Variants in CLSTN2 observed in about 807,000 individuals in gnomAD.
The protein encoded by CLSTN2 is calsyntenin 2.
CLSTN2 carries 48 observed loss-of-function variants against 101.2 expected under a neutral mutation model. That is an observed-to-expected ratio of 0.47 (90% CI 0.38 to 0.60). The LOEUF is 0.60. Ranked by LOEUF, CLSTN2 falls within the 20% of genes least tolerant of loss-of-function variation. The pLI is 0.00. For missense variants in CLSTN2, 1,160 were observed against 1,238.2 expected, an observed-to-expected ratio of 0.94 and a Z score of 0.95; for synonymous variants, 481 against 463.6, an observed-to-expected ratio of 1.04 and a Z score of -0.48.
At chr3:140,159,750 AT>A (rs929952853) in intron 1 of CLSTN2, among the ~76,000 whole-genome samples, 59 of 152,296 alleles carry the variant, frequency 3.9e-4, no homozygotes, top group African/African-American at 1.4e-3. Context: ...TAGCAAAGAC[AT>A]GGAATCAACC....
At chr3:139,971,476 G>A (rs1432069243) in intron 1 of CLSTN2, among the ~76,000 whole-genome samples, 1 of 152,190 alleles carries the variant, frequency 6.6e-6, no homozygotes, top group Non-Finnish European at 1.5e-5. Flanking sequence ...CTGTCCTTGG[G>A]AAGATCCCTG....
chr3:140,165,001 A>G (rs1211529500), intron 1 of CLSTN2, among the ~76,000 whole-genome samples: 1 of 152,102 alleles, frequency 6.6e-6, no homozygotes, highest in East Asian at 1.9e-4. Context: ...AAGGAAAGCA[A>G]TGTTCTGCCC....
chr3:140,305,922 T>C (rs2087109969), intron 2 of CLSTN2, among the ~76,000 whole-genome samples: 1 of 152,164 alleles, frequency 6.6e-6, no homozygotes, highest in Non-Finnish European at 1.5e-5. Flanking sequence ...TTTCCAAGTA[T>C]TTTTGCAGTG....
intron 2 of CLSTN2, among the ~76,000 whole-genome samples, chr3:140,285,260 C>T (rs930145304): frequency 5.3e-5 from 8 of 152,044 alleles, no homozygotes. Flanking sequence ...TATTTAAATA[C>T]TCATATATAC....
intron 8 of CLSTN2, among the ~76,000 whole-genome samples, chr3:140,491,345 T>C (rs1479532431): frequency 1.3e-5 from 2 of 152,208 alleles, no homozygotes; most frequent in African/African-American, 4.8e-5. Flanking sequence ...CTTAAATGTT[T>C]CAGTGGTATC....
At chr3:140,091,960 A>C (rs1209898632) in intron 1 of CLSTN2, among the ~76,000 whole-genome samples, 1 of 152,188 alleles carries the variant, frequency 6.6e-6, no homozygotes, top group African/African-American at 2.4e-5. Context: ...TGTTTGTTGA[A>C]TAAGTAAGGA....
intron 1 of CLSTN2, among the ~76,000 whole-genome samples, chr3:140,070,108 G>C (rs2008365898): frequency 1.3e-5 from 2 of 152,186 alleles, no homozygotes; most frequent in South Asian, 4.1e-4. Context: ...TGGTCCTGCT[G>C]TCAGCACATT....
At chr3:140,414,613 G>A (rs899925460) in intron 4 of CLSTN2, among the ~76,000 whole-genome samples, 3 of 151,888 alleles carry the variant, frequency 2.0e-5, no homozygotes, top group Non-Finnish European at 4.4e-5. Context: ...TACCCATTGG[G>A]AACAATGTAC....
chr3:140,259,528 T>A (rs1207476581), intron 2 of CLSTN2, among the ~76,000 whole-genome samples: 1 of 152,128 alleles, frequency 6.6e-6, no homozygotes, highest in Non-Finnish European at 1.5e-5. Context: ...TGCAATTTGA[T>A]AAGTTTTGAC....
intron 1 of CLSTN2, among the ~76,000 whole-genome samples, chr3:139,999,401 TCTAA>T (rs1192173821): frequency 1.3e-5 from 2 of 152,164 alleles, no homozygotes; most frequent in African/African-American, 4.8e-5. Flanking sequence ...GGTGAAGTTT[TCTAA>T]TCCTGACTTC....
At chr3:140,101,171 A>G (rs757518345) in intron 1 of CLSTN2, among the ~76,000 whole-genome samples, 19 of 152,300 alleles carry the variant, frequency 1.2e-4, no homozygotes, top group Middle Eastern at 3.4e-3. Flanking sequence ...ATAAGAATAA[A>G]TGAAGCCATG....
chr3:140,089,696 G>T (rs191326246), intron 1 of CLSTN2, among the ~76,000 whole-genome samples: 9 of 151,198 alleles, frequency 6.0e-5, no homozygotes, highest in African/African-American at 1.5e-4. Flanking sequence ...TACTGCAGAC[G>T]TGACTTCCCA....
intron 2 of CLSTN2, among the ~76,000 whole-genome samples, chr3:140,288,508 A>G (rs889056149): frequency 6.6e-6 from 1 of 152,200 alleles, no homozygotes; most frequent in Non-Finnish European, 1.5e-5. Flanking sequence ...CTTGAGAAAA[A>G]GTGCAGCTAA....
At chr3:140,307,188 G>A (rs1231881996) in intron 2 of CLSTN2, among the ~76,000 whole-genome samples, 4 of 152,152 alleles carry the variant, frequency 2.6e-5, no homozygotes, top group African/African-American at 7.2e-5. Context: ...ACATGGAACT[G>A]TAAGCCCATT....
In CLSTN2 at chr3:140,398,288, G is replaced by A. The variant is rs1227193683; in HGVS notation, c.233-5341G>A. 2.6e-5 allele frequency among the ~76,000 whole-genome samples: 4 copies of A among 152,134 alleles called. No individual in the cohort carries two copies. In the East Asian group the frequency reaches 5.8e-4, roughly 22 times the overall value. The stretch of plus-strand genomic sequence containing the variant: ...ATCCCACAGAATATTAAAAAGACAT[G>A]AACTCATTGTGATTTAATAAAAATT... On this transcript the variant is annotated intron_variant, in intron 2 of 16. Transcript: ENST00000458420.
At chr3:139,974,966 T>C (rs1306733589) in intron 1 of CLSTN2, among the ~76,000 whole-genome samples, 3 of 152,096 alleles carry the variant, frequency 2.0e-5, no homozygotes, top group African/African-American at 7.2e-5. Flanking sequence ...AAGGGGCAGG[T>C]GGGGTGAGGG....
chr3:140,099,606 A>G (rs2008931591), intron 1 of CLSTN2, among the ~76,000 whole-genome samples: 1 of 152,080 alleles, frequency 6.6e-6, no homozygotes, highest in South Asian at 2.1e-4. Flanking sequence ...TCAACTCACT[A>G]CAACTTCCAA....
At chr3:139,963,236 C>G (rs111348336) in intron 1 of CLSTN2, among the ~76,000 whole-genome samples, 1 of 152,254 alleles carries the variant, frequency 6.6e-6, no homozygotes, top group Admixed American at 6.5e-5. Context: ...CTTACTTTTG[C>G]TCTACATACC....
chr3:140,206,710 C>T (rs1025839071), intron 2 of CLSTN2, among the ~76,000 whole-genome samples: 1 of 152,202 alleles, frequency 6.6e-6, no homozygotes, highest in African/African-American at 2.4e-5. Context: ...TTTAAAATCT[C>T]CCAGCAAAGC....
Sources: allele counts gnomAD v4.1 joint callset (sites outside exome capture counted in the v4.1 genomes callset), GRCh38; gene constraint gnomAD v4.1.1; transcripts MANE v1.5; gene names NCBI Gene and HGNC (gene_info 2026-07-23, HGNC 2026-07-21).